The following UACA variants were observed in gnomAD, a reference collection of about 807,000 sequenced individuals.
UACA encodes the protein nuclear membrane binding protein.
In UACA, 112 loss-of-function variants were observed where a neutral mutation model predicts 160.5. The observed-to-expected ratio is 0.70, with a 90% CI of 0.60 to 0.82. UACA has a LOEUF of 0.82. UACA is among the 40% of genes least tolerant of loss of function. UACA has a pLI of 0.00. For synonymous variants in UACA, 557 were observed against 568.4 expected, an observed-to-expected ratio of 0.98 and a Z score of 0.29; for missense variants, 1,574 against 1,614.6, an observed-to-expected ratio of 0.97 and a Z score of 0.43.
chr15:70,763,090 T>C (rs74021852), intron 1 of UACA, among the ~76,000 whole-genome samples: 38,929 of 152,010 alleles, frequency 0.26, 5,423 homozygotes, highest in African/African-American at 0.32. Context: ...TTCCAGAAGT[T>C]CGGAGGCTTG....
intron 8 of UACA, among the ~76,000 whole-genome samples, chr15:70,683,842 A>T (rs992837776): frequency 1.1e-4 from 17 of 151,384 alleles, no homozygotes; most frequent in African/African-American, 2.4e-4. Flanking sequence ...TGTTTTTTTT[A>T]AAAAAAACAT....
At chr15:70,659,401 T>TGTTTG (rs1230632626) in intron 18 of UACA, among the ~76,000 whole-genome samples, 6 of 117,412 alleles carry the variant, frequency 5.1e-5, no homozygotes, top group Non-Finnish European at 8.7e-5. Flanking sequence ...GTTTGTTTTT[T>TGTTTG]TTTTTTTTTT....
chr15:70,718,441 T>C (rs1272574640), intron 1 of UACA, among the ~76,000 whole-genome samples: 1 of 149,906 alleles, frequency 6.7e-6, no homozygotes, highest in Non-Finnish European at 1.5e-5. Flanking sequence ...CAATAGAATG[T>C]GAATAGAAGT....
In UACA at chr15:70,684,282, G is replaced by A. The variant is rs778220594; in HGVS notation, c.767C>T (p.Ser256Leu). The A allele has an allele frequency of 1.0e-5, 16 of 1,607,460 alleles. No homozygotes were observed. The highest frequency in any genetic ancestry group is 2.2e-5 in the South Asian group (2 of 89,548). The change falls in exon 8 of 19, where the codon TCG becomes TTG. Residue 256 changes from serine (S) to leucine (L), a missense_variant. Ser to Leu is a moderately radical substitution (Grantham distance 145). Coordinates refer to ENST00000322954, the MANE Select transcript of UACA (RefSeq NM_018003.4). Reference sequence around the variant, plus strand: ...GCTGATACCTTTGTTGGTATTTTCCGATGCAGTCTTCAACAAGGTTAGAAT... The same window carrying A: ...GCTGATACCTTTGTTGGTATTTTCCAATGCAGTCTTCAACAAGGTTAGAAT... ...LDILTLLKTASENTNKGRELW... is the reference protein window; with the variant it reads ...LDILTLLKTALENTNKGRELW...
chr15:70,664,258 T>C (rs191750314), intron 17 of UACA, among the ~76,000 whole-genome samples: 15 of 152,296 alleles, frequency 9.8e-5, no homozygotes, highest in African/African-American at 3.1e-4. Context: ...TTTAGTTTAG[T>C]GGACCAATAT....
chr15:70,723,412 G>A (rs1300453010), intron 1 of UACA, among the ~76,000 whole-genome samples: 1 of 152,140 alleles, frequency 6.6e-6, no homozygotes, highest in Non-Finnish European at 1.5e-5. Context: ...CTGTTCTTAA[G>A]ACCAAAGTCC....
chr15:70,701,728 A>G, intron 1 of UACA: 6 of 666,516 alleles, frequency 9.0e-6, no homozygotes, highest in Non-Finnish European at 1.4e-5. Context: ...TTTGTTTACT[A>G]TTACTAACCC....
rs553785289 is a variant in UACA at position 70,671,080 on chromosome 15, T to C, written c.1180A>G (p.Met394Val). 6.9e-6 allele frequency: 11 copies of C among 1,594,648 alleles called. No individual in the cohort carries two copies. The highest frequency in any genetic ancestry group is 4.0e-5 in the African/African-American group (3 of 74,470). ...TACATCTGACCTTGTTTAAGAAGCA[T>C]ATCTTCTTTTCCTAAATAAATGCAA... is the stretch of plus-strand genomic sequence containing the variant. ...GSHFSNRKED[M>V]LLKQGQMYMA... Residue 394 changes from methionine to valine, a missense_variant, in exon 15 of 19, where the codon ATG becomes GTG. Met to Val is a conservative substitution (Grantham distance 21). Coordinates refer to ENST00000322954, the MANE Select transcript of UACA (RefSeq NM_018003.4).
chr15:70,776,428 T>C, the UACA span, among the ~76,000 whole-genome samples: 1 of 113,220 alleles, frequency 8.8e-6, no homozygotes, highest in African/African-American at 3.9e-5. Flanking sequence ...CAAATGTCTT[T>C]TTTTTTTTTT....
At chr15:70,663,400 C>A (rs1279551333) in intron 17 of UACA, among the ~76,000 whole-genome samples, 1 of 152,150 alleles carries the variant, frequency 6.6e-6, no homozygotes, top group Non-Finnish European at 1.5e-5. Flanking sequence ...AACACTTTTA[C>A]ACTGTTGGTG....
At chr15:70,740,903 G>A (rs555050057) in intron 1 of UACA, among the ~76,000 whole-genome samples, 46 of 151,250 alleles carry the variant, frequency 3.0e-4, no homozygotes, top group Non-Finnish European at 4.6e-4. Context: ...GCCAGGCGTC[G>A]TGGTGGGCGC....
rs1896491195 is a variant in UACA at position 70,656,982 on chromosome 15, A to G, written c.*74T>C. 8.0e-7 allele frequency: 1 copy of G among 1,256,794 alleles called. No homozygotes were observed. Among genetic ancestry groups the G allele is most frequent in the Non-Finnish European group, 1.2e-6 (1 of 861,718 alleles). 77.9% of individuals were successfully genotyped at this position (1,256,794 alleles called of 1,614,324 possible). ...ATTATACCAGCACAGTAAGGCCCAG[A>G]AAGACCATGGAGTTGCACAAAGAAT... On this transcript the variant is annotated 3_prime_UTR_variant, in exon 19 of 19. Transcript: ENST00000322954.
At position 70,668,873 on chromosome 15, in the gene UACA, T is replaced by G. The variant is rs777370351; in HGVS notation, c.1811A>C (p.Lys604Thr). The G allele has an allele frequency of 6.2e-7, 1 of 1,613,838 alleles. No homozygotes were observed. The highest frequency in any genetic ancestry group is 1.1e-5 in the South Asian group (1 of 91,044). Reference sequence around the variant, plus strand: ...CATCTCTGTGACCTTTCTTCCTTTCTTCTCTCGCTCCATTTCACACATACT... The same window carrying G: ...CATCTCTGTGACCTTTCTTCCTTTCGTCTCTCGCTCCATTTCACACATACT... ...ELSMCEMEREKKGRKVTEMEG... is the reference protein window; with the variant it reads ...ELSMCEMERETKGRKVTEMEG... Residue 604 changes from lysine to threonine, a missense_variant, in exon 16 of 19, where the codon AAG becomes ACG. Transcript: ENST00000322954.
At chr15:70,722,266 A>G (rs551414737) in intron 1 of UACA, among the ~76,000 whole-genome samples, 1 of 152,314 alleles carries the variant, frequency 6.6e-6, no homozygotes, top group East Asian at 1.9e-4. Context: ...ACTCAAAAAA[A>G]GAGGAAAGGA....
intron 1 of UACA, chr15:70,753,980 A>C (rs2030250619): frequency 2.7e-6 from 1 of 366,120 alleles, no homozygotes; most frequent in Admixed American, 3.3e-5. Context: ...TAATTTTTGT[A>C]TTTTTAGTGG....
chr15:70,660,874 ATGT>A (rs1418783440), intron 17 of UACA: 2 of 152,142 alleles, frequency 1.3e-5, no homozygotes, highest in African/African-American at 4.8e-5. Context: ...CTATTTTATT[ATGT>A]TGTTATTAAT....
intron 13 of UACA, among the ~76,000 whole-genome samples, chr15:70,672,631 G>T (rs898159564): frequency 1.3e-5 from 2 of 152,074 alleles, no homozygotes; most frequent in African/African-American, 4.8e-5. Flanking sequence ...CAAATACAAA[G>T]AATCTAATAT....
At chr15:70,725,670 AAT>A (rs576604414) in intron 1 of UACA, among the ~76,000 whole-genome samples, 91 of 152,336 alleles carry the variant, frequency 6.0e-4, no homozygotes, top group Non-Finnish European at 9.7e-4. Flanking sequence ...TCTTATTAAT[AAT>A]ATGTTTCCTA....
intron 1 of UACA, among the ~76,000 whole-genome samples, chr15:70,757,844 T>C (rs1475321641): frequency 6.6e-6 from 1 of 152,224 alleles, no homozygotes; most frequent in East Asian, 1.9e-4. Flanking sequence ...TCCTAATCTT[T>C]GACAGCCTCT....
Sources: allele counts gnomAD v4.1 joint callset (sites outside exome capture counted in the v4.1 genomes callset), GRCh38; gene constraint gnomAD v4.1.1; transcripts MANE v1.5; gene names NCBI Gene and HGNC (gene_info 2026-07-23, HGNC 2026-07-21).